Variants in KIAA1614 observed in about 807,000 individuals in gnomAD.
KIAA1614 encodes the protein KIAA1614.
A neutral mutation model predicts 88.7 loss-of-function variants in KIAA1614; 76 were observed. The observed-to-expected ratio is 0.86, with a 90% CI of 0.71 to 1.04. KIAA1614 has a LOEUF of 1.04. KIAA1614 is among the 50% of genes least tolerant of loss of function. The pLI is 0.00. For missense variants in KIAA1614, 1,553 were observed against 1,582.5 expected, an observed-to-expected ratio of 0.98 and a Z score of 0.32; for synonymous variants, 714 against 675.5, an observed-to-expected ratio of 1.06 and a Z score of -0.88.
In KIAA1614 at chr1:180,928,431, A is replaced by C; in HGVS notation, c.1063A>C (p.Thr355Pro). The C allele has an allele frequency of 1.9e-6, 3 of 1,611,066 alleles. No individual in the cohort carries two copies. Among genetic ancestry groups the C allele is most frequent in the Non-Finnish European group, 2.5e-6 (3 of 1,178,488 alleles). ...TSLQDSGQNR[T>P]VGPNPEPVLS... is the part of the protein sequence containing the mutation. ...CCTGGCCTGTGTGCCACGCTGCAGG[A>C]CCGTTGGTCCCAACCCGGAGCCTGT... Residue 355 changes from threonine to proline, a missense_variant and splice_region_variant, in exon 4 of 9, where the codon ACC (threonine) becomes CCC (proline). Transcript: ENST00000367588.
intron 5 of KIAA1614, 112 bp downstream of exon 5, chr1:180,936,782 A>T (rs1213782560): frequency 1.2e-5 from 8 of 674,852 alleles, no homozygotes; most frequent in Non-Finnish European, 1.9e-5. Flanking sequence ...CTTTTATCTC[A>T]ATAGTCAGAT....
Position 180,945,374 on chromosome 1 carries a change from T to C in KIAA1614, c.3359T>C (p.Val1120Ala). 1 of 1,599,308 alleles carries C rather than the reference T, an allele frequency of 6.3e-7. No homozygotes were observed. Among genetic ancestry groups the C allele is most frequent in the Non-Finnish European group, 8.5e-7 (1 of 1,175,586 alleles). The change falls in exon 9 of 9, where the codon GTG (valine) becomes GCG (alanine). Residue 1120 changes from valine (V) to alanine (A), a missense_variant. Physicochemically the swap from Val to Ala is moderately conservative, Grantham distance 64. Transcript: ENST00000367588. ...DVGAPSLART[V>A]GRLVEVFPDG... ...GGTGCTCCCAGCCTGGCTCGCACCG[T>C]GGGCCGCCTGGTGGAGGTGTTCCCA... is the stretch of plus-strand genomic sequence containing the variant.
chr1:180,918,406 T>G (rs1653870198), intron 3 of KIAA1614, among the ~76,000 whole-genome samples: 1 of 152,220 alleles, frequency 6.6e-6, no homozygotes, highest in Non-Finnish European at 1.5e-5. Context: ...TCCCACGGCC[T>G]TCGCTCCAGC....
chr1:180,941,417 C>A, intron 7 of KIAA1614, 132 bp downstream of exon 7: 2 of 1,107,872 alleles, frequency 1.8e-6, no homozygotes, highest in Non-Finnish European at 2.6e-6. Flanking sequence ...ACGGAAGCTG[C>A]TGGCATCCCC....
In KIAA1614 at chr1:180,935,363, A is replaced by G; in HGVS notation, c.1454A>G (p.Gln485Arg). The G allele has an allele frequency of 6.8e-7, 1 of 1,465,812 alleles. No homozygotes were observed. The highest frequency in any genetic ancestry group is 9.0e-7 in the Non-Finnish European group (1 of 1,114,348). 90.8% of individuals were successfully genotyped at this position (1,465,812 alleles called of 1,614,324 possible). Reference sequence around the variant, plus strand: ...AGCACCGTGTTGCAGGCCGCGGACCAGGGCCCCCTGCGCTCCAAGCCCGAC... The same window carrying G: ...AGCACCGTGTTGCAGGCCGCGGACCGGGGCCCCCTGCGCTCCAAGCCCGAC... ...VLSTVLQAAD[Q>R]GPLRSKPDLA... is the part of the protein sequence containing the mutation. Residue 485 changes from glutamine to arginine, a missense_variant, in exon 5 of 9, where the codon CAG (glutamine) becomes CGG (arginine). Physicochemically the swap from Gln to Arg is conservative, Grantham distance 43. Coordinates refer to ENST00000367588, the MANE Select transcript of KIAA1614 (RefSeq NM_020950.2). This position sits in a 1 kb window ranked among gnomAD's most constrained non-coding sequence, Gnocchi z 6.1.
intron 6 of KIAA1614, among the ~76,000 whole-genome samples, chr1:180,939,161 C>T (rs894520888): frequency 3.3e-5 from 5 of 152,290 alleles, no homozygotes; most frequent in African/African-American, 9.6e-5. Context: ...TCCTGGCCCT[C>T]GGGACCTCCT....
intron 6 of KIAA1614, among the ~76,000 whole-genome samples, chr1:180,939,659 C>T (rs1187613272): frequency 1.3e-5 from 2 of 152,314 alleles, no homozygotes; most frequent in Admixed American, 6.5e-5. Context: ...CTTCTCCACA[C>T]AATAGTCAAG....
chr1:180,916,000 T>C (rs1477674027), intron 1 of KIAA1614, among the ~76,000 whole-genome samples, 154 bp from the exon 2 acceptor site: 5 of 152,166 alleles, frequency 3.3e-5, no homozygotes, highest in Non-Finnish European at 7.3e-5. Context: ...GCCAAAAAGG[T>C]TGGAGACCAC....
rs775249613 is a variant in KIAA1614 at position 180,936,347 on chromosome 1, C to T, written c.2438C>T (p.Ser813Leu). 53 of 1,614,076 alleles carry T rather than the reference C, an allele frequency of 3.3e-5. No individual in the cohort carries two copies. The highest frequency in any genetic ancestry group is 3.8e-5 in the Non-Finnish European group (45 of 1,180,008). Reference protein sequence around the residue: ...PEGWAPTPPPSRKTTSPVSHR... With the variant: ...PEGWAPTPPPLRKTTSPVSHR... ...GGCTGGGCGCCAACCCCTCCCCCTT[C>T]GAGGAAAACCACCTCGCCAGTGTCT... Residue 813 changes from serine to leucine, a missense_variant, in exon 5 of 9, where the codon TCG (serine) becomes TTG (leucine). By Grantham distance (145) the Ser-to-Leu change is moderately radical (BLOSUM62 -2). Transcript: ENST00000367588.
chr1:180,938,661 G>A lies in KIAA1614; in HGVS notation c.2868G>A (p.Glu956=), dbSNP rs750886193. ...SEESESSKES[E]GSLQRTGSGS... Reference sequence around the variant, plus strand: ...AGTCAGAGTCCAGCAAGGAATCAGAGGGAAGCCTGCAGAGGACAGGGTCAG... The same window carrying A: ...AGTCAGAGTCCAGCAAGGAATCAGAAGGAAGCCTGCAGAGGACAGGGTCAG... Residue 956 remains glutamate, a synonymous_variant, in exon 6 of 9, where the codon GAG becomes GAA. Coordinates refer to ENST00000367588, the MANE Select transcript of KIAA1614 (RefSeq NM_020950.2). 6 of 1,614,194 alleles carry A rather than the reference G, an allele frequency of 3.7e-6. No individual in the cohort carries two copies. The East Asian group carries it at 1.3e-4, about 36-fold the overall frequency.
chr1:180,914,540 CTTTCT>C (rs139123961), intron 1 of KIAA1614, among the ~76,000 whole-genome samples: 7,973 of 151,992 alleles, frequency 0.052, 298 homozygotes, highest in Non-Finnish European at 0.077. Flanking sequence ...TAAAGCCATT[CTTTCT>C]TTTCTTTTCT....
Position 180,942,070 on chromosome 1 carries a change from C to T in KIAA1614, c.3159+785C>T, listed in dbSNP as rs957897446. 2.7e-5 allele frequency among the ~76,000 whole-genome samples: 4 copies of T among 147,588 alleles called. No individual in the cohort carries two copies. The East Asian group carries it at 6.1e-4, about 22-fold the overall frequency. Reference sequence around the variant, plus strand: ...GGCTCCACCCCCCTCCCCACCCCCCCAGCCCCGCTCCCATTTCTCCTATGC... The same window carrying T: ...GGCTCCACCCCCCTCCCCACCCCCCTAGCCCCGCTCCCATTTCTCCTATGC... On this transcript the variant is annotated intron_variant, in intron 7 of 8. Coordinates refer to ENST00000367588, the MANE Select transcript of KIAA1614 (RefSeq NM_020950.2).
At chr1:180,931,642 C>T (rs1475506479) in intron 4 of KIAA1614, among the ~76,000 whole-genome samples, 19 of 152,210 alleles carry the variant, frequency 1.2e-4, no homozygotes, top group Admixed American at 1.2e-3. Flanking sequence ...TGTGATTAAG[C>T]GCTCCTCAAT....
At chr1:180,939,667 A>T (rs945786240) in intron 6 of KIAA1614, among the ~76,000 whole-genome samples, 1 of 152,064 alleles carries the variant, frequency 6.6e-6, no homozygotes, top group African/African-American at 2.4e-5. Flanking sequence ...CACAATAGTC[A>T]AGGGTCGCTT....
rs1360126919 is a variant in KIAA1614, at chr1:180,936,012, A to G, written c.2103A>G (p.Leu701=). The change falls in exon 5 of 9, where the codon CTA becomes CTG. Residue 701 remains leucine (L), a synonymous_variant. Transcript: ENST00000367588. The part of the protein sequence containing the change: ...EGRGHTPEGT[L]FLREDAKPPD... ...GAGGACACACGCCTGAAGGAACTCTATTTTTGAGAGAAGATGCCAAGCCTC... is the reference window on the plus strand; with the variant it reads ...GAGGACACACGCCTGAAGGAACTCTGTTTTTGAGAGAAGATGCCAAGCCTC... 6.2e-7 allele frequency: 1 copy of G among 1,614,042 alleles called. No homozygotes were observed. The highest frequency in any genetic ancestry group is 2.2e-5 in the East Asian group (1 of 44,866).
In KIAA1614 at chr1:180,916,252, C is replaced by G. The variant is rs780715348; in HGVS notation, c.149C>G (p.Pro50Arg). 1.9e-6 allele frequency: 3 copies of G among 1,613,662 alleles called. No homozygotes were observed. Among genetic ancestry groups the G allele is most frequent in the South Asian group, 2.2e-5 (2 of 91,066 alleles). Residue 50 changes from proline to arginine, a missense_variant, in exon 2 of 9, where the codon CCA becomes CGA. By Grantham distance (103) the Pro-to-Arg change is moderately radical (BLOSUM62 -2). Transcript: ENST00000367588. ...CCACAGCTGGATAACGGACACCCCCCAAGACCCTGGCCTTGCCCTCAGGAA... is the reference window on the plus strand; with the variant it reads ...CCACAGCTGGATAACGGACACCCCCGAAGACCCTGGCCTTGCCCTCAGGAA... ...PEPQLDNGHP[P>R]RPWPCPQENR...
At chr1:180,923,739 G>T (rs1654004554) in intron 3 of KIAA1614, among the ~76,000 whole-genome samples, 3 of 152,012 alleles carry the variant, frequency 2.0e-5, no homozygotes, top group African/African-American at 7.2e-5. Flanking sequence ...AGGAGGCATG[G>T]GGAGTCCCGG....
intron 5 of KIAA1614, among the ~76,000 whole-genome samples, chr1:180,937,792 G>T (rs1278892817): frequency 6.6e-6 from 1 of 152,172 alleles, no homozygotes; most frequent in African/African-American, 2.4e-5. Flanking sequence ...TCCCCCTGGG[G>T]TCCCTCCCAC....
rs2102269545 is a variant in KIAA1614 at position 180,935,331 on chromosome 1, G to A, written c.1422G>A (p.Gln474=). ...HLERLQQRQR[Q]VLSTVLQAAD... is the part of the protein sequence containing the mutation. ...AGCGGCTGCAGCAGCGCCAGCGCCA[G>A]GTGCTGAGCACCGTGTTGCAGGCCG... Residue 474 remains glutamine, a synonymous_variant, in exon 5 of 9, where the codon CAG becomes CAA. Transcript: ENST00000367588. The surrounding 1 kb of genome is among the most constrained non-coding windows in gnomAD (Gnocchi z 6.1). 6.8e-7 allele frequency: 1 copy of A among 1,476,636 alleles called. No homozygotes were observed. The highest frequency in any genetic ancestry group is 9.0e-7 in the Non-Finnish European group (1 of 1,117,104). 91.5% of individuals were successfully genotyped at this position (1,476,636 alleles called of 1,614,324 possible).
Sources: gnomAD v4.1 joint callset for allele counts (sites outside exome capture counted in the v4.1 genomes callset) on GRCh38, gnomAD v4.1.1 for gene constraint, Gnocchi (gnomAD v3.1) non-coding constraint, MANE v1.5 for transcripts, NCBI Gene and HGNC (gene_info 2026-07-23, HGNC 2026-07-21) for gene names.